HMGB1: variants seen among roughly 807,000 people sequenced by gnomAD.
HMGB1 encodes the protein high mobility group box 1.
For synonymous variants in HMGB1, 81 were observed against 84.0 expected (o/e 0.96, Z 0.19); for missense variants, 79 against 253.5 (o/e 0.31, Z 4.67).
chr13:30,551,114 T>G (rs771740467), intron 1 of HMGB1, among the ~76,000 whole-genome samples: 1 of 152,198 alleles, frequency 6.6e-6, no homozygotes, highest in Non-Finnish European at 1.5e-5. Context: ...CCATCTACTA[T>G]CATGATTTCT....
intron 1 of HMGB1, among the ~76,000 whole-genome samples, chr13:30,484,209 G>A (rs1397310445): frequency 2.6e-5 from 4 of 152,000 alleles, no homozygotes; most frequent in Non-Finnish European, 5.9e-5. Flanking sequence ...ATGTCTCCAG[G>A]GCCAGGGTCT....
intron 1 of HMGB1, among the ~76,000 whole-genome samples, chr13:30,572,505 T>C (rs1476965115): frequency 2.0e-5 from 3 of 152,238 alleles, no homozygotes; most frequent in Admixed American, 1.3e-4. Flanking sequence ...GGTAAGATTA[T>C]TTTAATGCAA....
At chr13:30,585,324 C>T (rs958171270) in intron 1 of HMGB1, among the ~76,000 whole-genome samples, 9 of 151,692 alleles carry the variant, frequency 5.9e-5, no homozygotes, top group African/African-American at 2.2e-4. Flanking sequence ...CAAAAAAACA[C>T]AAAAAACAGA....
intron 1 of HMGB1, among the ~76,000 whole-genome samples, chr13:30,546,251 G>A (rs1359419325): frequency 6.6e-6 from 1 of 152,186 alleles, no homozygotes; most frequent in Non-Finnish European, 1.5e-5. Context: ...GAGTAGCTGG[G>A]ACTACAGGTG....
chr13:30,588,940 A>C (rs1871265464), intron 1 of HMGB1, among the ~76,000 whole-genome samples: 1 of 151,702 alleles, frequency 6.6e-6, no homozygotes. Context: ...AAAATAAATA[A>C]CATTTACTAT....
Position 30,463,357 on chromosome 13 carries a change from AAAAT to A in HMGB1, c.151-9_151-6del. The stretch of plus-strand genomic sequence containing the variant: ...TTTCTCTTTAGCAGACATGGTCTAC[AAAAT>A]AATTATTTGTAAGTTTAAGTTGTAA... On this transcript the variant is annotated splice_polypyrimidine_tract_variant and splice_region_variant and intron_variant, in intron 2 of 4. Coordinates refer to ENST00000341423, the MANE Select transcript of HMGB1 (RefSeq NM_002128.7). 6.3e-7 allele frequency: 1 copy of A among 1,586,228 alleles called. No individual in the cohort carries two copies.
chr13:30,468,110 A>C (rs1266889479), upstream of HMGB1, among the ~76,000 whole-genome samples: 1 of 152,200 alleles, frequency 6.6e-6, no homozygotes, highest in Non-Finnish European at 1.5e-5. Flanking sequence ...GTAAAGATTA[A>C]ACTTTTTTTA....
At chr13:30,538,629 CTTTTT>C (rs1868647519) in intron 1 of HMGB1, among the ~76,000 whole-genome samples, 11 of 77,194 alleles carry the variant, frequency 1.4e-4, no homozygotes, top group South Asian at 3.9e-4. Flanking sequence ...CTCTCTCTTT[CTTTTT>C]CTTTCTTCCT....
At chr13:30,538,462 C>CTT (rs1343892428) in intron 1 of HMGB1, among the ~76,000 whole-genome samples, 2 of 70,894 alleles carry the variant, frequency 2.8e-5, no homozygotes, top group African/African-American at 1.6e-4. Flanking sequence ...TTCTTTCTTT[C>CTT]TTTCTTTCTT....
chr13:30,594,128 G>A (rs68160999), intron 1 of HMGB1, among the ~76,000 whole-genome samples: 9,384 of 152,280 alleles, frequency 0.062, 369 homozygotes, highest in South Asian at 0.12. Flanking sequence ...CTACACACAC[G>A]TGTATTAGCG....
At chr13:30,505,136 A>ATT (rs1459217365) in intron 1 of HMGB1, among the ~76,000 whole-genome samples, 1 of 81,022 alleles carries the variant, frequency 1.2e-5, no homozygotes, top group Non-Finnish European at 2.6e-5. Flanking sequence ...TGCCCAGCTA[A>ATT]TTTATATATA....
chr13:30,573,466 T>C (rs1870516879), intron 1 of HMGB1, among the ~76,000 whole-genome samples: 1 of 152,250 alleles, frequency 6.6e-6, no homozygotes, highest in African/African-American at 2.4e-5. Flanking sequence ...CTGTGTATAA[T>C]TTTAAAAGTT....
At chr13:30,528,249 A>G (rs1201068233) in intron 1 of HMGB1, among the ~76,000 whole-genome samples, 1 of 152,224 alleles carries the variant, frequency 6.6e-6, no homozygotes, top group Non-Finnish European at 1.5e-5. Flanking sequence ...AATGAGGTGC[A>G]GTGATCTTGA....
intron 1 of HMGB1, among the ~76,000 whole-genome samples, chr13:30,534,348 T>C (rs893887647): frequency 6.6e-6 from 1 of 152,224 alleles, no homozygotes; most frequent in Non-Finnish European, 1.5e-5. Flanking sequence ...GGCTCCCTTC[T>C]TTGGGCGAAA....
Position 30,510,735 on chromosome 13 carries a change from G to C in HMGB1, c.-14-47041C>G, listed in dbSNP as rs1887974119. On this transcript the variant is annotated intron_variant, in intron 1 of 4. Coordinates refer to the HMGB1 transcript ENST00000405805. ...GCGAGGAGGCTATGAAGTTCCTCAT[G>C]AAAAGAAGCTGTTACATGGCTTTTG... is the stretch of plus-strand genomic sequence containing the variant. Among the ~76,000 whole-genome samples, 3 of 152,130 alleles carry C rather than the reference G, an allele frequency of 2.0e-5. No individual in the cohort carries two copies. The South Asian group carries it at 6.2e-4, about 32-fold the overall frequency.
At chr13:30,536,684 C>T (rs1868456562) in intron 1 of HMGB1, among the ~76,000 whole-genome samples, 1 of 152,194 alleles carries the variant, frequency 6.6e-6, no homozygotes, top group African/African-American at 2.4e-5. Context: ...TATTCAACAA[C>T]TGTGTAAATA....
chr13:30,599,787 T>C (rs1448871997), intron 1 of HMGB1, among the ~76,000 whole-genome samples: 1 of 152,194 alleles, frequency 6.6e-6, no homozygotes, highest in Admixed American at 6.5e-5. Context: ...TACGGCCCTG[T>C]GTCCAAATAC....
intron 1 of HMGB1, among the ~76,000 whole-genome samples, chr13:30,500,536 ATTTTTTTT>A (rs60691018): frequency 0.8 from 103,348 of 128,562 alleles, 43,467 homozygotes; most frequent in East Asian, 0.98. Context: ...CACCTGGCTA[ATTTTTTTT>A]TTTTTTTTTT....
At chr13:30,578,365 G>GTTTTT (rs1475312645) in intron 1 of HMGB1, among the ~76,000 whole-genome samples, 32 of 67,066 alleles carry the variant, frequency 4.8e-4, no homozygotes, top group Non-Finnish European at 7.3e-4. Context: ...ACCAGTTCTT[G>GTTTTT]TTCTTTTTTT....
Sources: allele counts gnomAD v4.1 joint callset (sites outside exome capture counted in the v4.1 genomes callset), GRCh38; gene constraint gnomAD v4.1.1; transcripts MANE v1.5; gene names NCBI Gene and HGNC (gene_info 2026-07-23, HGNC 2026-07-21).